The following CDH2 variants were observed in gnomAD, a reference collection of about 807,000 sequenced individuals.
CDH2 encodes cadherin 2.
In CDH2, 17 loss-of-function variants were observed where a neutral mutation model predicts 92.0. The ratio of observed to expected loss-of-function variants is 0.18; its 90% CI spans 0.13 to 0.28. The LOEUF is 0.28. Ranked by LOEUF, CDH2 falls within the 10% of genes least tolerant of loss-of-function variation. The pLI is 1.00. For missense variants in CDH2, 862 were observed against 1,133.1 expected, an observed-to-expected ratio of 0.76 and a Z score of 3.44; for synonymous variants, 419 against 415.9, an observed-to-expected ratio of 1.01 and a Z score of -0.09.
chr18:28,002,928 G>A, intron 7 of CDH2, 69 bp downstream of exon 7: 2 of 1,304,908 alleles, frequency 1.5e-6, no homozygotes, highest in Non-Finnish European at 2.2e-6. Context: ...GAGATAAAAT[G>A]TATGTGATAT....
chr18:27,976,793 A>C (rs556387266), intron 14 of CDH2, among the ~76,000 whole-genome samples: 1 of 152,294 alleles, frequency 6.6e-6, no homozygotes, highest in South Asian at 2.1e-4. Flanking sequence ...TAAAGTGAGC[A>C]CCACTGACTG....
At chr18:28,159,546 G>C (rs1353372337) in intron 1 of CDH2, among the ~76,000 whole-genome samples, 1 of 152,128 alleles carries the variant, frequency 6.6e-6, no homozygotes, top group Non-Finnish European at 1.5e-5. Flanking sequence ...ACTATCTGGG[G>C]ATCTTGAGAA....
At chr18:27,956,805 A>T (rs2011258108) in intron 15 of CDH2, among the ~76,000 whole-genome samples, 1 of 152,224 alleles carries the variant, frequency 6.6e-6, no homozygotes, top group South Asian at 2.1e-4. Context: ...TAAGAAAATT[A>T]ACTTAAAAAT....
At chr18:28,176,615 G>A (rs1055601172) in intron 1 of CDH2, among the ~76,000 whole-genome samples, 5 of 152,122 alleles carry the variant, frequency 3.3e-5, no homozygotes, top group African/African-American at 9.7e-5. Context: ...GAAAGGCACA[G>A]AAAACTGCAA....
At chr18:28,110,847 T>C (rs1241179727) in intron 2 of CDH2, among the ~76,000 whole-genome samples, 3 of 152,054 alleles carry the variant, frequency 2.0e-5, no homozygotes, top group Non-Finnish European at 2.9e-5. Context: ...AGGACAAAGA[T>C]GGCTATAGAA....
At chr18:28,151,625 C>T (rs1240151979) in intron 1 of CDH2, among the ~76,000 whole-genome samples, 3 of 152,146 alleles carry the variant, frequency 2.0e-5, no homozygotes, top group Non-Finnish European at 2.9e-5. Context: ...AGCCAAAACC[C>T]AGCCCCTGAG....
chr18:28,103,156 A>G (rs947626242), intron 2 of CDH2, among the ~76,000 whole-genome samples: 1 of 146,062 alleles, frequency 6.8e-6, no homozygotes, highest in African/African-American at 2.5e-5. Flanking sequence ...ATATATATAA[A>G]CTCCTTTATA....
At position 28,154,471 on chromosome 18, in the gene CDH2, C is replaced by T. The variant is rs1210067185; in HGVS notation, c.61-6687G>A. Among the ~76,000 whole-genome samples the T allele has an allele frequency of 3.9e-5, 6 of 152,240 alleles. No homozygotes were observed. In the East Asian group the frequency reaches 1.2e-3, roughly 29 times the overall value. On this transcript the variant is annotated intron_variant, in intron 1 of 15. Coordinates refer to ENST00000269141, the MANE Select transcript of CDH2 (RefSeq NM_001792.5). ...AAGTATTTACTCTACTCTTCCCAGG[C>T]TGAAGATCGACCTCCTTGTCTAGAG...
chr18:28,176,288 G>A (rs1356861944), intron 1 of CDH2, among the ~76,000 whole-genome samples: 8 of 152,208 alleles, frequency 5.3e-5, no homozygotes, highest in Non-Finnish European at 8.8e-5. Flanking sequence ...AGGCGTGAGA[G>A]GCCAGACTCG....
chr18:28,043,394 T>C (rs2013987862), intron 2 of CDH2, among the ~76,000 whole-genome samples: 2 of 144,382 alleles, frequency 1.4e-5, no homozygotes, highest in Non-Finnish European at 3.0e-5. Flanking sequence ...ATCTCAGAAA[T>C]CACTACTAAA....
intron 2 of CDH2, among the ~76,000 whole-genome samples, chr18:28,072,322 C>A (rs1567987191): frequency 6.6e-6 from 1 of 152,260 alleles, no homozygotes; most frequent in African/African-American, 2.4e-5. Context: ...CACATGCCTT[C>A]CAGCTTCTAA....
At chr18:28,059,235 T>TAACAGGTTAAGACTGG (rs1217517267) in intron 2 of CDH2, among the ~76,000 whole-genome samples, 1 of 152,194 alleles carries the variant, frequency 6.6e-6, no homozygotes, top group Non-Finnish European at 1.5e-5. Flanking sequence ...AACTTATGAA[T>TAACAGGTTAAGACTGG]AACAGGTTAA....
intron 1 of CDH2, among the ~76,000 whole-genome samples, chr18:28,171,612 G>A (rs546537905): frequency 6.6e-6 from 1 of 152,148 alleles, no homozygotes; most frequent in South Asian, 2.1e-4. Context: ...ATAAACTACG[G>A]TTAATAAATC....
At chr18:28,037,219 G>C (rs1464409644) in intron 2 of CDH2, among the ~76,000 whole-genome samples, 2 of 152,152 alleles carry the variant, frequency 1.3e-5, no homozygotes, top group African/African-American at 2.4e-5. Context: ...TGCATTTTAT[G>C]TAAAATGAAA....
At chr18:28,127,030 G>C (rs11564383) in intron 2 of CDH2, among the ~76,000 whole-genome samples, 1 of 152,116 alleles carries the variant, frequency 6.6e-6, no homozygotes, top group Non-Finnish European at 1.5e-5. Flanking sequence ...GGCCAGGCAG[G>C]TGGACTTCCT....
At position 27,952,076 on chromosome 18, in the gene CDH2, C is replaced by G; in HGVS notation, c.*77G>C. 7.7e-7 allele frequency: 1 copy of G among 1,300,564 alleles called. No homozygotes were observed. 80.6% of individuals were successfully genotyped at this position (1,300,564 alleles called of 1,614,324 possible). A position where few individuals can be genotyped will look rare whatever the true frequency, so the allele number is the denominator to read the frequency against. ...GTGCTAGTAGACTACAAAGTTAAAG[C>G]CTAGCTTCTGAATGCTTTTTGGGAA... On this transcript the variant is annotated 3_prime_UTR_variant, in exon 16 of 16. Transcript: ENST00000269141.
At chr18:28,059,073 C>A (rs1481902935) in intron 2 of CDH2, among the ~76,000 whole-genome samples, 2 of 152,186 alleles carry the variant, frequency 1.3e-5, no homozygotes, top group Non-Finnish European at 2.9e-5. Flanking sequence ...TTGGTATTAT[C>A]CTCCTGAGAG....
chr18:28,147,673 C>G lies in CDH2; in HGVS notation c.172G>C (p.Val58Leu). Reference protein sequence around the residue: ...DVHEGQPLLNVKFSNCNGKRK... With the variant: ...DVHEGQPLLNLKFSNCNGKRK... ...ACAAATATATCTTTTGAGATAGTAC[C>G]ATTGAGAAGAGGCTGTCCTTCATGC... The change falls in exon 2 of 16, where the codon GTG (valine) becomes CTG (leucine). Residue 58 changes from valine (V) to leucine (L), a missense_variant and splice_region_variant. Around this residue, in one of 5 missense-constraint regions of CDH2, gnomAD observed 159 missense variants for 177.2 expected, o/e 0.90. Coordinates refer to ENST00000269141, the MANE Select transcript of CDH2 (RefSeq NM_001792.5). 1 of 1,555,770 alleles carries G rather than the reference C, an allele frequency of 6.4e-7. No individual in the cohort carries two copies. The highest frequency in any genetic ancestry group is 8.8e-7 in the Non-Finnish European group (1 of 1,130,676).
rs1036173803 is a variant in CDH2, at chr18:27,993,052, C to T, written c.1159-212G>A. ...AGTAGTCCAATTTTTTTCCAAATTA[C>T]CTTACAGTTTCATTAATATTAAAAT... On this transcript the variant is annotated intron_variant, in intron 8 of 15. Coordinates refer to ENST00000269141, the MANE Select transcript of CDH2 (RefSeq NM_001792.5). Among the ~76,000 whole-genome samples, 8 of 152,208 alleles carry T rather than the reference C, an allele frequency of 5.3e-5. No individual in the cohort carries two copies. The South Asian group carries it at 1.7e-3, about 32-fold the overall frequency.
Sources: allele counts gnomAD v4.1 joint callset (sites outside exome capture counted in the v4.1 genomes callset), GRCh38; gene constraint gnomAD v4.1.1; regional missense constraint gnomAD v4.1.1; transcripts MANE v1.5; gene names NCBI Gene and HGNC (gene_info 2026-07-23, HGNC 2026-07-21).